PDGFD: variants seen among roughly 807,000 people sequenced by gnomAD.
PDGFD encodes the protein platelet-derived growth factor D.
A neutral mutation model predicts 44.7 loss-of-function variants in PDGFD; 30 were observed. That is an observed-to-expected ratio of 0.67 (90% CI 0.50 to 0.91). PDGFD has a LOEUF of 0.91. Ranked by LOEUF, PDGFD falls within the 40% of genes least tolerant of loss-of-function variation. The pLI is 0.00. For synonymous variants in PDGFD, 173 were observed against 168.4 expected, an observed-to-expected ratio of 1.03 and a Z score of -0.21; for missense variants, 445 against 457.8, an observed-to-expected ratio of 0.97 and a Z score of 0.25.
intron 1 of PDGFD, among the ~76,000 whole-genome samples, chr11:104,143,441 G>A (rs1011174444): frequency 6.6e-6 from 1 of 152,176 alleles, no homozygotes; most frequent in African/African-American, 2.4e-5. Context: ...ATTCTTATTG[G>A]ATTTTGGCCT....
intron 1 of PDGFD, among the ~76,000 whole-genome samples, chr11:104,016,896 C>T (rs1234190949): frequency 6.6e-6 from 1 of 152,124 alleles, no homozygotes; most frequent in African/African-American, 2.4e-5. Flanking sequence ...CACCTTGAAG[C>T]AGGTTTTGGG....
rs548520254 is a variant in PDGFD, at chr11:104,042,965, A to G, written c.125-42710T>C. On this transcript the variant is annotated intron_variant, in intron 1 of 6. Coordinates refer to ENST00000393158, the MANE Select transcript of PDGFD (RefSeq NM_025208.5). Reference sequence around the variant, plus strand: ...AAAAGTATTAGTGTTTTGCATTCATACATGTCACTAAAAATTTAATGTATT... The same window carrying G: ...AAAAGTATTAGTGTTTTGCATTCATGCATGTCACTAAAAATTTAATGTATT... Among the ~76,000 whole-genome samples the G allele has an allele frequency of 1.2e-4, 19 of 152,328 alleles. 1 individual carries two copies. The highest frequency in any genetic ancestry group is 3.1e-4 in the African/African-American group (13 of 41,576).
In PDGFD at chr11:104,037,469, A is replaced by G. The variant is rs770199703; in HGVS notation, c.125-37214T>C. ...CGGGAAGCTCAGGCCAAAATAGAAGAGGAAATCCGGCAGCAAAACATTGAA... is the reference window on the plus strand; with the variant it reads ...CGGGAAGCTCAGGCCAAAATAGAAGGGGAAATCCGGCAGCAAAACATTGAA... On this transcript the variant is annotated intron_variant, in intron 1 of 6. Transcript: ENST00000393158. 5.0e-6 allele frequency: 8 copies of G among 1,614,004 alleles called. No homozygotes were observed. The East Asian group carries it at 1.8e-4, about 36-fold the overall frequency.
intron 1 of PDGFD, among the ~76,000 whole-genome samples, chr11:104,105,476 G>A (rs1204732504): frequency 6.6e-6 from 1 of 151,838 alleles, no homozygotes; most frequent in Non-Finnish European, 1.5e-5. Context: ...TGTTTACATG[G>A]GTAAGAAAAA....
At chr11:104,084,092 C>A (rs1218760240) in intron 1 of PDGFD, among the ~76,000 whole-genome samples, 1 of 152,156 alleles carries the variant, frequency 6.6e-6, no homozygotes, top group African/African-American at 2.4e-5. Context: ...ATTTGCTCAA[C>A]AAATGTGGAT....
At chr11:104,066,466 G>A (rs892326831) in intron 1 of PDGFD, among the ~76,000 whole-genome samples, 9 of 152,054 alleles carry the variant, frequency 5.9e-5, no homozygotes, top group South Asian at 4.1e-4. Flanking sequence ...GTGGGAACTC[G>A]GTAAAATCCC....
At chr11:104,037,516 G>C in intron 1 of PDGFD, 7 of 1,614,148 alleles carry the variant, frequency 4.3e-6, no homozygotes, top group Non-Finnish European at 5.9e-6. Context: ...TATAGCGATA[G>C]AAGAGGCCCC....
intron 1 of PDGFD, among the ~76,000 whole-genome samples, chr11:104,128,604 TA>T (rs1346849890): frequency 6.6e-6 from 1 of 152,140 alleles, no homozygotes; most frequent in African/African-American, 2.4e-5. Flanking sequence ...ATATTCGCTA[TA>T]AAAAATACTG....
At chr11:104,044,016 T>C (rs945498088) in intron 1 of PDGFD, among the ~76,000 whole-genome samples, 2 of 152,224 alleles carry the variant, frequency 1.3e-5, no homozygotes, top group East Asian at 1.9e-4. Context: ...GCTTACACAA[T>C]AGGCGAACAA....
intron 3 of PDGFD, among the ~76,000 whole-genome samples, chr11:103,991,741 A>C (rs1028463573): frequency 6.6e-6 from 1 of 152,238 alleles, no homozygotes; most frequent in African/African-American, 2.4e-5. Flanking sequence ...TAATAACAAT[A>C]ATAGCCTCAG....
chr11:104,032,933 G>C (rs1358600899), intron 1 of PDGFD, among the ~76,000 whole-genome samples: 1 of 151,870 alleles, frequency 6.6e-6, no homozygotes, highest in Non-Finnish European at 1.5e-5. Flanking sequence ...AATTCCTCAA[G>C]AAAAGTTTTG....
intron 1 of PDGFD, among the ~76,000 whole-genome samples, chr11:104,044,830 A>T (rs1253341611): frequency 1.3e-5 from 2 of 152,158 alleles, no homozygotes; most frequent in African/African-American, 4.8e-5. Flanking sequence ...CGAGGTCAGA[A>T]GATGGAGACC....
intron 1 of PDGFD, among the ~76,000 whole-genome samples, chr11:104,082,537 A>G (rs1266875395): frequency 6.6e-6 from 1 of 152,146 alleles, no homozygotes; most frequent in Non-Finnish European, 1.5e-5. Context: ...CTGGATTTTT[A>G]GTTCACTCAT....
Position 103,918,002 on chromosome 11 carries a change from C to T in PDGFD, c.988-8183G>A, listed in dbSNP as rs567841375. Reference sequence around the variant, plus strand: ...CGGTCCAGTGAGGCAGGGAATAAATCACTGCATTTGTTTAATGTTCAATCA... The same window carrying T: ...CGGTCCAGTGAGGCAGGGAATAAATTACTGCATTTGTTTAATGTTCAATCA... On this transcript the variant is annotated intron_variant, in intron 6 of 6. Coordinates refer to ENST00000393158, the MANE Select transcript of PDGFD (RefSeq NM_025208.5). Among the ~76,000 whole-genome samples the T allele has an allele frequency of 7.9e-5, 12 of 152,270 alleles. No individual in the cohort carries two copies. In the South Asian group the frequency reaches 2.5e-3, roughly 32 times the overall value.
At chr11:103,982,106 T>C (rs1199816696) in intron 3 of PDGFD, among the ~76,000 whole-genome samples, 2 of 151,716 alleles carry the variant, frequency 1.3e-5, no homozygotes, top group Non-Finnish European at 2.9e-5. Context: ...CTCACCCCCA[T>C]TCCTCCAATG....
chr11:104,103,530 A>T (rs1861428965), intron 1 of PDGFD, among the ~76,000 whole-genome samples: 1 of 149,334 alleles, frequency 6.7e-6, no homozygotes, highest in Non-Finnish European at 1.5e-5. Context: ...ATATGGAAGG[A>T]TCTACCCAAT....
At chr11:104,123,384 G>A (rs749162195) in intron 1 of PDGFD, among the ~76,000 whole-genome samples, 7 of 152,098 alleles carry the variant, frequency 4.6e-5, no homozygotes, top group East Asian at 1.9e-4. Context: ...AGCAAACAGC[G>A]TAGCAGGGCA....
rs756239179 is a variant in PDGFD at position 104,037,159 on chromosome 11, G to A, written c.125-36904C>T. The A allele has an allele frequency of 7.1e-5, 114 of 1,613,696 alleles. 1 individual carries two copies. The highest frequency in any genetic ancestry group is 8.8e-5 in the Non-Finnish European group (104 of 1,179,998). ...GTCCAGCTCCCGTCCACAGCACCCT[G>A]GACAGCAGCAGCAGCGCACACCCGC... On this transcript the variant is annotated intron_variant, in intron 1 of 6. Transcript: ENST00000393158.
At chr11:104,144,459 T>C (rs1366656288) in intron 1 of PDGFD, among the ~76,000 whole-genome samples, 2 of 140,434 alleles carry the variant, frequency 1.4e-5, no homozygotes, top group Non-Finnish European at 3.0e-5. Context: ...TGAGCTGAGA[T>C]TGCGCCACTG....
Sources: allele counts gnomAD v4.1 joint callset (sites outside exome capture counted in the v4.1 genomes callset), GRCh38; gene constraint gnomAD v4.1.1; transcripts MANE v1.5; gene names NCBI Gene and HGNC (gene_info 2026-07-23, HGNC 2026-07-21).